DACH1: variants seen among roughly 807,000 people sequenced by gnomAD.
DACH1 encodes the protein dachshund family transcription factor 1.
Under a neutral mutation model 54.2 loss-of-function variants are expected in DACH1, and 12 were observed. The observed-to-expected ratio is 0.22, with a 90% CI of 0.14 to 0.36. The LOEUF (loss-of-function observed/expected upper bound fraction) is 0.36. Among genes scored for constraint, DACH1 ranks in the 10% least tolerant of loss-of-function variants. DACH1 has a pLI of 1.00. For synonymous variants in DACH1, 386 were observed against 366.2 expected (o/e 1.05, Z -0.62); for missense variants, 805 against 929.8 (o/e 0.87, Z 1.75).
At chr13:71,516,690 G>C (rs1230813597) in intron 6 of DACH1, among the ~76,000 whole-genome samples, 1 of 151,762 alleles carries the variant, frequency 6.6e-6, no homozygotes, top group Non-Finnish European at 1.5e-5. Flanking sequence ...ATAAAGTCAA[G>C]TACAACAGCC....
intron 8 of DACH1, among the ~76,000 whole-genome samples, chr13:71,477,098 ATATATATTTTTTTTTTTT>A (rs1365904079): frequency 2.7e-4 from 14 of 51,728 alleles, no homozygotes; most frequent in African/African-American, 9.9e-4. Context: ...ATATATATAT[ATATATATTTTTTTTTTTT>A]TTTTTTTTTT....
chr13:71,819,554 T>A (rs1388291055), intron 1 of DACH1, among the ~76,000 whole-genome samples: 1 of 152,182 alleles, frequency 6.6e-6, no homozygotes, highest in Non-Finnish European at 1.5e-5. Context: ...ATTTTTCTAG[T>A]GGGTGTAAGA....
At chr13:71,783,126 A>G (rs1451492653) in intron 1 of DACH1, among the ~76,000 whole-genome samples, 3 of 152,182 alleles carry the variant, frequency 2.0e-5, no homozygotes, top group Admixed American at 6.5e-5. Context: ...ACGTTCCTGC[A>G]CAGAGAAAGG....
intron 1 of DACH1, among the ~76,000 whole-genome samples, chr13:71,700,587 AGAGAGAG>A (rs1882081885): frequency 3.3e-5 from 1 of 30,326 alleles, no homozygotes; most frequent in Non-Finnish European, 1.8e-4. Flanking sequence ...AAAAAAAAAG[AGAGAGAG>A]AGAGAGAGAG....
chr13:71,667,374 G>A (rs190271724), intron 2 of DACH1, among the ~76,000 whole-genome samples: 88 of 152,278 alleles, frequency 5.8e-4, no homozygotes, highest in Non-Finnish European at 1.1e-3. Context: ...CATATTCAAG[G>A]TAAAATGAAG....
At chr13:71,595,521 G>C (rs1874033716) in intron 3 of DACH1, among the ~76,000 whole-genome samples, 2 of 152,130 alleles carry the variant, frequency 1.3e-5, no homozygotes, top group African/African-American at 2.4e-5. Flanking sequence ...AGGTGGATCT[G>C]TGGATATGTT....
chr13:71,773,480 A>G (rs1486278608), intron 1 of DACH1, among the ~76,000 whole-genome samples: 2 of 151,986 alleles, frequency 1.3e-5, no homozygotes, highest in African/African-American at 2.4e-5. Context: ...AACTAAACCA[A>G]TGAAATGTTT....
At chr13:71,539,711 A>C (rs571971390) in intron 6 of DACH1, among the ~76,000 whole-genome samples, 1 of 152,180 alleles carries the variant, frequency 6.6e-6, no homozygotes, top group Non-Finnish European at 1.5e-5. Flanking sequence ...AAAATAGAGA[A>C]AGTAAATTAC....
intron 7 of DACH1, among the ~76,000 whole-genome samples, chr13:71,479,897 C>A (rs1485110332): frequency 6.6e-6 from 1 of 152,078 alleles, no homozygotes; most frequent in Non-Finnish European, 1.5e-5. Flanking sequence ...TGGCTCACAC[C>A]CTCATTTCAT....
At chr13:71,578,233 A>C (rs143505001) in intron 3 of DACH1, among the ~76,000 whole-genome samples, 1 of 152,298 alleles carries the variant, frequency 6.6e-6, no homozygotes, top group African/African-American at 2.4e-5. Flanking sequence ...ACACTGATAG[A>C]TTGTGACGGG....
At position 71,556,297 on chromosome 13, in the gene DACH1, T is replaced by G. The variant is rs76605675; in HGVS notation, c.1570+727A>C. Among the ~76,000 whole-genome samples the G allele has an allele frequency of 1.0e-3, 159 of 152,252 alleles. 2 individuals carry two copies. The East Asian group carries it at 0.028, about 26-fold the overall frequency. On this transcript the variant is annotated intron_variant, in intron 6 of 10. Transcript: ENST00000613252. ...GATAAGCAAATTATCCTATCTATAT[T>G]TATAAAGTTTGAAAATATTAAGTTA...
At chr13:71,768,337 A>G (rs1885721295) in intron 1 of DACH1, among the ~76,000 whole-genome samples, 1 of 152,002 alleles carries the variant, frequency 6.6e-6, no homozygotes, top group African/African-American at 2.4e-5. Flanking sequence ...TGACTAGGCC[A>G]GGGAGAAAGC....
At chr13:71,523,189 C>T (rs1296265007) in intron 6 of DACH1, among the ~76,000 whole-genome samples, 1 of 152,118 alleles carries the variant, frequency 6.6e-6, no homozygotes, top group Non-Finnish European at 1.5e-5. Context: ...TCACAAACAA[C>T]ATTTCAGATG....
At chr13:71,656,868 T>G (rs1170930818) in intron 2 of DACH1, among the ~76,000 whole-genome samples, 1 of 143,130 alleles carries the variant, frequency 7.0e-6, no homozygotes, top group Admixed American at 7.0e-5. Flanking sequence ...AGACAGATAC[T>G]GACTTGAAAA....
rs151067643 is a variant in DACH1 at position 71,488,656 on chromosome 13, T to C, written c.1722+341A>G. 4.8e-3 allele frequency among the ~76,000 whole-genome samples: 723 copies of C among 152,066 alleles called. 4 individuals are homozygous for C. Among genetic ancestry groups the C allele is most frequent in the Non-Finnish European group, 7.5e-3 (512 of 67,968 alleles). On this transcript the variant is annotated intron_variant, in intron 7 of 10. Coordinates refer to ENST00000613252, the MANE Select transcript of DACH1 (RefSeq NM_080759.6). ...AATATTTATTAGAACTAGTGTGCCGTTGTTTAGTAAAATCAGACAAACTTA... is the reference window on the plus strand; with the variant it reads ...AATATTTATTAGAACTAGTGTGCCGCTGTTTAGTAAAATCAGACAAACTTA...
At chr13:71,689,594 A>T (rs1412152593) in intron 1 of DACH1, among the ~76,000 whole-genome samples, 1 of 152,198 alleles carries the variant, frequency 6.6e-6, no homozygotes, top group Non-Finnish European at 1.5e-5. Flanking sequence ...GTCACACTGT[A>T]TACAACCAAA....
At chr13:71,479,032 G>T in intron 8 of DACH1, 137 bp downstream of exon 8, 3 of 726,316 alleles carry the variant, frequency 4.1e-6, no homozygotes, top group Non-Finnish European at 6.2e-6. Context: ...ATGAGCCTAG[G>T]ATTCAAATTC....
intron 1 of DACH1, among the ~76,000 whole-genome samples, chr13:71,686,814 TA>T (rs201822442): frequency 0.014 from 2,083 of 152,314 alleles, 31 homozygotes; most frequent in African/African-American, 0.035. Context: ...GTCCAAATCC[TA>T]CCTGCCTGGA....
chr13:71,820,889 C>G (rs1166935459), intron 1 of DACH1, among the ~76,000 whole-genome samples: 1 of 152,152 alleles, frequency 6.6e-6, no homozygotes, highest in Non-Finnish European at 1.5e-5. Flanking sequence ...TTTCGTAATT[C>G]TCTTCTTATG....
Sources: gnomAD v4.1 joint callset for allele counts (sites outside exome capture counted in the v4.1 genomes callset) on GRCh38, gnomAD v4.1.1 for gene constraint, MANE v1.5 for transcripts, NCBI Gene and HGNC (gene_info 2026-07-23, HGNC 2026-07-21) for gene names.